ASCC1: variants seen among roughly 807,000 people sequenced by gnomAD.
ASCC1 encodes the protein ASC-1 complex subunit P50.
A neutral mutation model predicts 46.6 loss-of-function variants in ASCC1; 35 were observed. That is an observed-to-expected ratio of 0.75 (90% CI 0.57 to 0.99). The LOEUF is 0.99. Ranked by LOEUF, ASCC1 falls within the 50% of genes least tolerant of loss-of-function variation. The pLI is 0.00. For missense variants in ASCC1, 376 were observed against 428.7 expected, an observed-to-expected ratio of 0.88 and a Z score of 1.09; for synonymous variants, 143 against 146.6, an observed-to-expected ratio of 0.98 and a Z score of 0.18.
intron 8 of ASCC1, among the ~76,000 whole-genome samples, chr10:72,128,573 G>A (rs903406564): frequency 1.3e-5 from 2 of 152,156 alleles, no homozygotes; most frequent in African/African-American, 4.8e-5. Context: ...TTTTAAATAT[G>A]TAAAAATACA....
intron 5 of ASCC1, among the ~76,000 whole-genome samples, chr10:72,172,543 G>A (rs532350408): frequency 2.9e-4 from 42 of 146,906 alleles, no homozygotes; most frequent in South Asian, 1.3e-3. Context: ...ATGGGGTTGC[G>A]CTATGTTGAC....
At chr10:72,127,394 AT>A (rs1433498048) in intron 9 of ASCC1, among the ~76,000 whole-genome samples, 1 of 152,200 alleles carries the variant, frequency 6.6e-6, no homozygotes, top group Non-Finnish European at 1.5e-5. Context: ...CATTTCATAG[AT>A]TAATTCAACA....
At chr10:72,200,164 C>A (rs1161597028) in intron 4 of ASCC1, among the ~76,000 whole-genome samples, 2 of 152,110 alleles carry the variant, frequency 1.3e-5, no homozygotes, top group Non-Finnish European at 2.9e-5. Context: ...TCCACATTTA[C>A]ACCACGTTAT....
rs545750285 is a variant in ASCC1 at position 72,129,711 on chromosome 10, C to T, written c.872-1544G>A. On this transcript the variant is annotated intron_variant, in intron 8 of 9. Coordinates refer to ENST00000672957, the MANE Select transcript of ASCC1 (RefSeq NM_001198800.3). ...ATCCCAGCTACTCAGGAGGCTGAGG[C>T]AAGAGAATCACCTGAACCTGGGAGG... is the stretch of plus-strand genomic sequence containing the variant. Among the ~76,000 whole-genome samples, 72 of 151,874 alleles carry T rather than the reference C, an allele frequency of 4.7e-4. 2 individuals are homozygous for T. The highest frequency in any genetic ancestry group is 8.8e-5 in the Non-Finnish European group (6 of 67,952).
At chr10:72,157,004 T>C (rs569346433) in intron 6 of ASCC1, among the ~76,000 whole-genome samples, 1 of 152,206 alleles carries the variant, frequency 6.6e-6, no homozygotes, top group South Asian at 2.1e-4. Context: ...CACTTTTCTT[T>C]CCATGTTGCC....
intron 3 of ASCC1, 95 bp downstream of exon 3, chr10:72,210,637 C>T (rs1386808308): frequency 2.2e-6 from 2 of 898,066 alleles, no homozygotes; most frequent in Non-Finnish European, 3.7e-6. Context: ...CATTAGTAAT[C>T]AAGCACTGCA....
chr10:72,192,870 G>C (rs374260680), intron 5 of ASCC1, among the ~76,000 whole-genome samples: 5 of 152,126 alleles, frequency 3.3e-5, no homozygotes, highest in Admixed American at 3.3e-4. Context: ...GGCAAAAAAA[G>C]CACATGAAAA....
At chr10:72,204,726 A>T (rs892341057) in intron 3 of ASCC1, among the ~76,000 whole-genome samples, 1 of 152,212 alleles carries the variant, frequency 6.6e-6, no homozygotes, top group Non-Finnish European at 1.5e-5. Context: ...ATAGTAAGCC[A>T]GTTTTTAAAA....
At chr10:72,148,341 G>A (rs1279763741) in intron 7 of ASCC1, among the ~76,000 whole-genome samples, 11 of 152,158 alleles carry the variant, frequency 7.2e-5, no homozygotes. Context: ...ATATACCTAA[G>A]TAGATGGCTG....
intron 9 of ASCC1, among the ~76,000 whole-genome samples, chr10:72,105,307 G>A (rs1240966826): frequency 3.9e-5 from 6 of 152,166 alleles, no homozygotes; most frequent in Admixed American, 2.0e-4. Context: ...TTTGGGGATC[G>A]CTGGCACCCT....
intron 5 of ASCC1, among the ~76,000 whole-genome samples, chr10:72,166,892 C>T (rs1850412919): frequency 1.3e-5 from 2 of 152,088 alleles, no homozygotes; most frequent in Admixed American, 6.6e-5. Context: ...TGAGATATCA[C>T]CTCACACCCA....
intron 7 of ASCC1, among the ~76,000 whole-genome samples, chr10:72,147,285 G>A (rs1847754780): frequency 6.6e-6 from 1 of 151,910 alleles, no homozygotes; most frequent in African/African-American, 2.4e-5. Flanking sequence ...ATGGAGTTTC[G>A]TTCTGTTACC....
Position 72,184,556 on chromosome 10 carries a change from A to G in ASCC1, c.489+12255T>C, listed in dbSNP as rs566014010. Among the ~76,000 whole-genome samples, 3 of 152,296 alleles carry G rather than the reference A, an allele frequency of 2.0e-5. No homozygotes were observed. In the South Asian group the frequency reaches 6.2e-4, roughly 32 times the overall value. On this transcript the variant is annotated intron_variant, in intron 5 of 9. Coordinates refer to ENST00000672957, the MANE Select transcript of ASCC1 (RefSeq NM_001198800.3). Reference sequence around the variant, plus strand: ...GTAGACCAGAACAAGGAACATTATCAGGAATAGAGAAAGATATTTCATAAC... The same window carrying G: ...GTAGACCAGAACAAGGAACATTATCGGGAATAGAGAAAGATATTTCATAAC...
At chr10:72,104,340 A>G (rs1842119135) in intron 9 of ASCC1, among the ~76,000 whole-genome samples, 1 of 152,150 alleles carries the variant, frequency 6.6e-6, no homozygotes, top group African/African-American at 2.4e-5. Context: ...TAAGAATCGG[A>G]TGGCTCTAGC....
At chr10:72,143,237 T>A (rs75700665) in intron 7 of ASCC1, among the ~76,000 whole-genome samples, 2,231 of 152,192 alleles carry the variant, frequency 0.015, 58 homozygotes, top group African/African-American at 0.051. Context: ...AATTTCCTTA[T>A]AATTTTTGTT....
intron 5 of ASCC1, among the ~76,000 whole-genome samples, chr10:72,171,836 C>T (rs897447084): frequency 6.6e-6 from 1 of 152,200 alleles, no homozygotes; most frequent in Non-Finnish European, 1.5e-5. Flanking sequence ...CTTTGGAGGG[C>T]CATTGTTCTG....
intron 7 of ASCC1, among the ~76,000 whole-genome samples, chr10:72,149,131 T>G (rs1847976056): frequency 6.6e-6 from 1 of 151,958 alleles, no homozygotes; most frequent in South Asian, 2.1e-4. Context: ...AGTGTTACTT[T>G]TCAGTTAAAA....
intron 9 of ASCC1, among the ~76,000 whole-genome samples, chr10:72,126,951 G>A (rs544550688): frequency 2.6e-5 from 4 of 152,322 alleles, no homozygotes; most frequent in East Asian, 1.9e-4. Flanking sequence ...TGCCTGAGAC[G>A]ATGGCTGACA....
At chr10:72,200,898 C>T (rs1047281316) in intron 4 of ASCC1, among the ~76,000 whole-genome samples, 2 of 152,030 alleles carry the variant, frequency 1.3e-5, no homozygotes, top group African/African-American at 4.8e-5. Flanking sequence ...TATGGGAGCC[C>T]ACATGCAGCT....
Sources: gnomAD v4.1 joint callset for allele counts (sites outside exome capture counted in the v4.1 genomes callset) on GRCh38, gnomAD v4.1.1 for gene constraint, MANE v1.5 for transcripts, NCBI Gene and HGNC (gene_info 2026-07-23, HGNC 2026-07-21) for gene names.